Variants in PRL observed in about 807,000 individuals in gnomAD.
PRL encodes prolactin, also known as decidual prolactin.
Under a neutral mutation model 21.3 loss-of-function variants are expected in PRL, and 24 were observed. The observed-to-expected ratio is 1.13, with a 90% confidence interval of 0.82 to 1.59. The LOEUF is 1.59. Ranked by LOEUF, PRL falls within the 40% of genes most tolerant of loss-of-function variation. The pLI is 0.00. For synonymous variants in PRL, 118 were observed against 115.7 expected, an observed-to-expected ratio of 1.02 and a Z score of -0.13; for missense variants, 243 against 286.9, an observed-to-expected ratio of 0.85 and a Z score of 1.10.
rs1561753076 is a variant in PRL at position 22,288,901 on chromosome 6, T to TGTGC, written c.492+1272_492+1273insGCAC. On this transcript the variant is annotated intron_variant, in intron 4 of 4. Transcript: ENST00000306482. This position sits in a 1 kb window ranked among gnomAD's most constrained non-coding sequence, Gnocchi z 4.5. Reference sequence around the variant, plus strand: ...GCGCGTGCGCGTGTGTGTGCGTGTGTGCGCGCGCGTGTGTGTGCGTGCGCG... The same window carrying TGTGC: ...GCGCGTGCGCGTGTGTGTGCGTGTGTGTGCGCGCGCGCGTGTGTGTGCGTGCGCG... Among the ~76,000 whole-genome samples the TGTGC allele has an allele frequency of 6.7e-6, 1 of 149,664 alleles. No homozygotes were observed. Among genetic ancestry groups the TGTGC allele is most frequent in the South Asian group, 2.1e-4 (1 of 4,812 alleles).
rs1760988235 is a variant in PRL at position 22,288,919 on chromosome 6, CGTGCGCGTGTGTGTGCAT to C, written c.492+1237_492+1254del. On this transcript the variant is annotated intron_variant, in intron 4 of 4. Coordinates refer to ENST00000306482, the MANE Select transcript of PRL (RefSeq NM_000948.6). The surrounding 1 kb of genome is among the most constrained non-coding windows in gnomAD (Gnocchi z 4.5). The stretch of plus-strand genomic sequence containing the variant: ...GCGTGTGTGCGCGCGCGTGTGTGTG[CGTGCGCGTGTGTGTGCAT>C]GTGTGTGTGCGTGCGCGTGTGTGTG... Among the ~76,000 whole-genome samples the C allele has an allele frequency of 6.7e-6, 1 of 150,064 alleles. No homozygotes were observed. Among genetic ancestry groups the C allele is most frequent in the Non-Finnish European group, 1.5e-5 (1 of 67,398 alleles).
At chr6:22,290,400 TG>T in intron 3 of PRL, 47 bp from the exon 4 acceptor site, 1 of 1,414,504 alleles carries the variant, frequency 7.1e-7, no homozygotes. Flanking sequence ...TAAAATACAA[TG>T]GGGTTAGTTA....
At chr6:22,295,437 G>T (rs1293998477) in intron 1 of PRL, among the ~76,000 whole-genome samples, 1 of 152,208 alleles carries the variant, frequency 6.6e-6, no homozygotes, top group Non-Finnish European at 1.5e-5. Flanking sequence ...GGGGCCGCAT[G>T]AGTAGCCGTG....
intron 4 of PRL, among the ~76,000 whole-genome samples, chr6:22,289,283 G>A (rs1362763657): frequency 6.6e-6 from 1 of 152,050 alleles, no homozygotes; most frequent in Non-Finnish European, 1.5e-5. Context: ...CATGTACTTA[G>A]TACACAAAAA....
In PRL at chr6:22,294,564, CCAG is replaced by C. The variant is rs769969580; in HGVS notation, c.46_48del (p.Leu16del). Reference sequence around the variant, plus strand: ...CTCTGGCACAGGAGCAGGTTTGACACCAGCAGCAGCAGGAGGGACCCTGCTTAA... The same window carrying C: ...CTCTGGCACAGGAGCAGGTTTGACACCAGCAGCAGGAGGGACCCTGCTTAA... On this transcript the variant is annotated inframe_deletion, in exon 2 of 5. Coordinates refer to ENST00000306482, the MANE Select transcript of PRL (RefSeq NM_000948.6). The C allele has an allele frequency of 2.5e-6, 4 of 1,604,810 alleles. No homozygotes were observed. The highest frequency in any genetic ancestry group is 3.4e-5 in the Admixed American group (2 of 58,372).
At chr6:22,294,301 G>T in intron 2 of PRL, 108 bp downstream of exon 2, 1 of 1,278,040 alleles carries the variant, frequency 7.8e-7, no homozygotes, top group Non-Finnish European at 1.1e-6. Context: ...ATGTTAAAAT[G>T]TATCGTTTGA....
chr6:22,296,413 T>C (rs73389183), intron 1 of PRL, among the ~76,000 whole-genome samples: 2,452 of 152,334 alleles, frequency 0.016, 52 homozygotes, highest in African/African-American at 0.055. Flanking sequence ...CTGTTGTTAG[T>C]GTCTATTTTA....
chr6:22,291,544 A>ATT (rs535452386), intron 3 of PRL, among the ~76,000 whole-genome samples: 2 of 149,212 alleles, frequency 1.3e-5, no homozygotes, highest in Non-Finnish European at 3.0e-5. Flanking sequence ...TCCAATGAGC[A>ATT]TTTTTTTTTT....
At chr6:22,294,966 AT>A (rs953733740) in intron 1 of PRL, among the ~76,000 whole-genome samples, 84 of 150,992 alleles carry the variant, frequency 5.6e-4, no homozygotes, top group African/African-American at 1.6e-3. Flanking sequence ...GCACTTTGTA[AT>A]TTTTTTTTTA....
At position 22,292,661 on chromosome 6, in the gene PRL, C is replaced by G. The variant is rs774956317; in HGVS notation, c.205-16G>C. ...ACCGTTTATCCTGGAAATGATGAGA[C>G]AAATTCAATTAGTTGGGGTTGTTTG... On this transcript the variant is annotated splice_polypyrimidine_tract_variant and intron_variant, in intron 2 of 4. Coordinates refer to ENST00000306482, the MANE Select transcript of PRL (RefSeq NM_000948.6). 1 of 1,601,762 alleles carries G rather than the reference C, an allele frequency of 6.2e-7. No individual in the cohort carries two copies. The highest frequency in any genetic ancestry group is 8.5e-7 in the Non-Finnish European group (1 of 1,171,066).
In PRL at chr6:22,288,886, G is replaced by A. The variant is rs1455076290; in HGVS notation, c.492+1288C>T. Among the ~76,000 whole-genome samples the A allele has an allele frequency of 5.3e-5, 8 of 151,844 alleles. No homozygotes were observed. Among genetic ancestry groups the A allele is most frequent in the Admixed American group, 1.3e-4 (2 of 15,246 alleles). ...TGTGTGTGTGTGTATGCGCGTGCGC[G>A]TGTGTGTGCGTGTGTGCGCGCGCGT... On this transcript the variant is annotated intron_variant, in intron 4 of 4. Coordinates refer to ENST00000306482, the MANE Select transcript of PRL (RefSeq NM_000948.6). This position sits in a 1 kb window ranked among gnomAD's most constrained non-coding sequence, Gnocchi z 4.5.
At chr6:22,301,673 A>G (rs868558114), upstream of PRL, among the ~76,000 whole-genome samples, 2 of 152,220 alleles carry the variant, frequency 1.3e-5, no homozygotes, top group African/African-American at 4.8e-5. Context: ...CTACCCTTCA[A>G]ATCCAGCCTA....
chr6:22,289,188 C>G (rs1481978613), intron 4 of PRL, among the ~76,000 whole-genome samples: 3 of 152,142 alleles, frequency 2.0e-5, no homozygotes, highest in Non-Finnish European at 4.4e-5. Context: ...GTATTTATTT[C>G]ACACATTCCA....
At chr6:22,297,255 A>G (rs1024000511), upstream of PRL, 2 of 485,902 alleles carry the variant, frequency 4.1e-6, no homozygotes, top group African/African-American at 3.9e-5. Context: ...TAATTAGGCC[A>G]AAAGGAAATG....
chr6:22,299,435 T>A (rs1761242678), upstream of PRL, among the ~76,000 whole-genome samples: 1 of 152,244 alleles, frequency 6.6e-6, no homozygotes, highest in Non-Finnish European at 1.5e-5. Flanking sequence ...AACATCAGGT[T>A]GGTTTTTATT....
At chr6:22,302,621 T>C (rs866351796) in intron 1 of PRL, among the ~76,000 whole-genome samples, 4 of 152,070 alleles carry the variant, frequency 2.6e-5, no homozygotes, top group Admixed American at 1.3e-4. Flanking sequence ...CCTTCAGAAA[T>C]GAAGAACCAA....
At position 22,287,450 on chromosome 6, in the gene PRL, A is replaced by G; in HGVS notation, c.636T>C (p.Asn212=). The G allele has an allele frequency of 1.2e-6, 2 of 1,614,076 alleles. No individual in the cohort carries two copies. Among genetic ancestry groups the G allele is most frequent in the Non-Finnish European group, 1.7e-6 (2 of 1,179,978 alleles). ...CLRRDSHKID[N]YLKLLKCRII... is the part of the protein sequence containing the mutation. Reference sequence around the variant, plus strand: ...TTCGGCACTTCAGGAGCTTGAGATAATTGTCGATTTTATGTGAATCCCTGC... The same window carrying G: ...TTCGGCACTTCAGGAGCTTGAGATAGTTGTCGATTTTATGTGAATCCCTGC... Residue 212 remains asparagine (N), a synonymous_variant, in exon 5 of 5, where the codon AAT becomes AAC. Transcript: ENST00000306482.
intron 2 of PRL, 116 bp downstream of exon 2, chr6:22,294,289 ACATG>A: frequency 8.7e-7 from 1 of 1,148,738 alleles, no homozygotes; most frequent in Admixed American, 1.9e-5. Context: ...GTCTTCTTTC[ACATG>A]TTAAAATGTA....
chr6:22,299,240 C>T (rs533668722), upstream of PRL, among the ~76,000 whole-genome samples: 186 of 152,244 alleles, frequency 1.2e-3, 1 homozygote, highest in African/African-American at 4.3e-3. Context: ...CTTTACAAAA[C>T]TTCATTTGTT....
Sources: gnomAD v4.1 joint callset for allele counts (sites outside exome capture counted in the v4.1 genomes callset) on GRCh38, gnomAD v4.1.1 for gene constraint, Gnocchi (gnomAD v3.1) non-coding constraint, MANE v1.5 for transcripts, NCBI Gene and HGNC (gene_info 2026-07-23, HGNC 2026-07-21) for gene names.